The following LMO7 variants were observed in gnomAD, a reference collection of about 807,000 sequenced individuals.
LMO7 encodes the protein LIM domain only protein 7.
Under a neutral mutation model 206.5 loss-of-function variants are expected in LMO7, and 120 were observed. The observed-to-expected ratio is 0.58, with a 90% CI of 0.50 to 0.68. The LOEUF is 0.68. Among genes scored for constraint, LMO7 ranks in the 30% least tolerant of loss-of-function variants. The probability of loss-of-function intolerance (pLI) is 0.00; values close to 1 mark genes in which losing one functional copy is unlikely to be tolerated. For missense variants in LMO7, 1,959 were observed against 1,957.9 expected, an observed-to-expected ratio of 1.00 and a Z score of -0.01; for synonymous variants, 706 against 681.5, an observed-to-expected ratio of 1.04 and a Z score of -0.56.
At chr13:75,815,385 A>G (rs1404948284) in intron 11 of LMO7, among the ~76,000 whole-genome samples, 3 of 152,166 alleles carry the variant, frequency 2.0e-5, no homozygotes, top group East Asian at 3.9e-4. Flanking sequence ...GGTATATGAG[A>G]GAAAGAGAAG....
intron 4 of LMO7, among the ~76,000 whole-genome samples, chr13:75,769,966 T>C (rs1402117848): frequency 6.6e-6 from 1 of 152,146 alleles, no homozygotes; most frequent in Non-Finnish European, 1.5e-5. Context: ...AGACTTCTTT[T>C]GGCTTCATAC....
At chr13:75,781,011 A>G (rs1216211127) in intron 4 of LMO7, among the ~76,000 whole-genome samples, 1 of 150,444 alleles carries the variant, frequency 6.6e-6, no homozygotes, top group Non-Finnish European at 1.5e-5. Flanking sequence ...TTCTAATGGC[A>G]CCTGTACTTT....
intron 12 of LMO7, among the ~76,000 whole-genome samples, chr13:75,818,384 G>C (rs2057262233): frequency 6.6e-6 from 1 of 152,136 alleles, no homozygotes; most frequent in African/African-American, 2.4e-5. Context: ...TGCATGCCCT[G>C]GGGGTGAAAT....
At chr13:75,682,171 G>A (rs1287100950) in intron 1 of LMO7, among the ~76,000 whole-genome samples, 1 of 152,078 alleles carries the variant, frequency 6.6e-6, no homozygotes, top group East Asian at 1.9e-4. Context: ...TAAAATTTTA[G>A]CCATTCTTAA....
intron 12 of LMO7, among the ~76,000 whole-genome samples, chr13:75,818,354 G>A (rs1000261308): frequency 3.9e-5 from 6 of 152,090 alleles, no homozygotes; most frequent in Non-Finnish European, 8.8e-5. Context: ...GCTTGCAAGG[G>A]GTATAAATCA....
intron 3 of LMO7, among the ~76,000 whole-genome samples, chr13:75,744,340 T>TAAA (rs2046658712): frequency 6.6e-6 from 1 of 152,188 alleles, no homozygotes; most frequent in Non-Finnish European, 1.5e-5. Flanking sequence ...TAAGAACACT[T>TAAA]CCTAGAGTTC....
chr13:75,655,742 T>C (rs1293719677), intron 1 of LMO7, among the ~76,000 whole-genome samples: 1 of 149,970 alleles, frequency 6.7e-6, no homozygotes, highest in East Asian at 1.9e-4. Flanking sequence ...CCTGAAGTGC[T>C]TGTTGTTTCT....
chr13:75,650,355 C>G (rs145126920), intron 1 of LMO7, among the ~76,000 whole-genome samples: 1,519 of 151,192 alleles, frequency 0.01, 32 homozygotes, highest in African/African-American at 0.034. Flanking sequence ...GTCTTGATCT[C>G]TTGACCTCAA....
At chr13:75,700,384 A>G (rs1566324263) in intron 1 of LMO7, among the ~76,000 whole-genome samples, 1 of 152,352 alleles carries the variant, frequency 6.6e-6, no homozygotes, top group East Asian at 1.9e-4. Flanking sequence ...AAGAAATTAT[A>G]AAAGTATTCA....
At chr13:75,747,011 C>T (rs2046895681) in intron 3 of LMO7, among the ~76,000 whole-genome samples, 2 of 152,012 alleles carry the variant, frequency 1.3e-5, no homozygotes. Context: ...GGCAAACATA[C>T]TTAGTCCGGT....
chr13:75,757,391 T>G (rs1380636689), intron 3 of LMO7, among the ~76,000 whole-genome samples: 1 of 152,204 alleles, frequency 6.6e-6, no homozygotes. Context: ...CCTATTCCCT[T>G]AAGCTGCTTA....
chr13:75,821,172 C>T lies in LMO7; in HGVS notation c.2208-5C>T, dbSNP rs754119548. ...TGTGGTGATGGTGCATTTCTCTCCGCTAAGGGAATCCCAAAATCAAAAGTC... is the reference window on the plus strand; with the variant it reads ...TGTGGTGATGGTGCATTTCTCTCCGTTAAGGGAATCCCAAAATCAAAAGTC... On this transcript the variant is annotated splice_region_variant and splice_polypyrimidine_tract_variant and intron_variant, in intron 13 of 30. Coordinates refer to ENST00000377534, the MANE Select transcript of LMO7 (RefSeq NM_001306080.2). 13 of 1,593,084 alleles carry T rather than the reference C, an allele frequency of 8.2e-6. No individual in the cohort carries two copies. In the South Asian group the frequency reaches 1.5e-4, roughly 18 times the overall value.
intron 4 of LMO7, among the ~76,000 whole-genome samples, chr13:75,778,822 A>G (rs2050887938): frequency 6.6e-6 from 1 of 152,204 alleles, no homozygotes; most frequent in Admixed American, 6.5e-5. Context: ...AAGGGCTTTC[A>G]ATCATTAGCA....
intron 1 of LMO7, among the ~76,000 whole-genome samples, chr13:75,688,297 T>C (rs993972824): frequency 2.0e-5 from 3 of 152,230 alleles, no homozygotes; most frequent in Non-Finnish European, 2.9e-5. Context: ...TGTAGGTCTA[T>C]ATAATTGTTA....
At chr13:75,667,230 G>A (rs906979979) in intron 1 of LMO7, among the ~76,000 whole-genome samples, 36 of 152,080 alleles carry the variant, frequency 2.4e-4, no homozygotes, top group African/African-American at 8.2e-4. Context: ...TGGTATGACT[G>A]ATTTCCAACA....
chr13:75,652,908 A>G (rs887181040), intron 1 of LMO7, among the ~76,000 whole-genome samples: 2 of 152,184 alleles, frequency 1.3e-5, no homozygotes, highest in Non-Finnish European at 2.9e-5. Context: ...TGAACATAAG[A>G]AAGATAAACT....
At chr13:75,783,440 C>G (rs2051876860) in intron 4 of LMO7, among the ~76,000 whole-genome samples, 1 of 152,176 alleles carries the variant, frequency 6.6e-6, no homozygotes, top group Non-Finnish European at 1.5e-5. Context: ...CCTCCCACCT[C>G]AGCCTCCTGA....
chr13:75,737,776 A>AT (rs1165201974), intron 3 of LMO7, among the ~76,000 whole-genome samples: 451 of 35,150 alleles, frequency 0.013, 28 homozygotes, highest in South Asian at 0.055. Flanking sequence ...ATAAAATAAA[A>AT]TAAAATAAAA....
At chr13:75,794,152 G>A (rs766765940) in intron 4 of LMO7, among the ~76,000 whole-genome samples, 20 of 152,114 alleles carry the variant, frequency 1.3e-4, no homozygotes, top group Non-Finnish European at 2.2e-4. Flanking sequence ...ATATATAAGC[G>A]TTTATGTTGG....
Sources: gnomAD v4.1 joint callset for allele counts (sites outside exome capture counted in the v4.1 genomes callset) on GRCh38, gnomAD v4.1.1 for gene constraint, MANE v1.5 for transcripts, NCBI Gene and HGNC (gene_info 2026-07-23, HGNC 2026-07-21) for gene names.